The following DNAJC10 variants were observed in gnomAD, a reference collection of about 807,000 sequenced individuals.
DNAJC10 encodes DnaJ heat shock protein family (Hsp40) member C10.
A neutral mutation model predicts 115.0 loss-of-function variants in DNAJC10; 101 were observed. The observed-to-expected ratio is 0.88, with a 90% CI of 0.75 to 1.04. DNAJC10 has a LOEUF of 1.04. Ranked by LOEUF, DNAJC10 falls within the 50% of genes least tolerant of loss-of-function variation. DNAJC10 has a pLI of 0.00. For synonymous variants in DNAJC10, 307 were observed against 301.5 expected (o/e 1.02, Z -0.19); for missense variants, 981 against 928.8 (o/e 1.06, Z -0.73).
At chr2:182,730,571 T>G (rs1693418358) in intron 8 of DNAJC10, 1 of 452,438 alleles carries the variant, frequency 2.2e-6, no homozygotes, top group Non-Finnish European at 4.4e-6. Flanking sequence ...ACAACCCAGT[T>G]GGGGAAAAGA....
Position 182,762,665 on chromosome 2 carries a change from GT to G in DNAJC10, c.2146-16del. The G allele has an allele frequency of 1.2e-6, 2 of 1,610,528 alleles. No individual in the cohort carries two copies. Among genetic ancestry groups the G allele is most frequent in the Non-Finnish European group, 1.7e-6 (2 of 1,177,722 alleles). ...TATGCCAAACAGAAAATGGCAAACT[GT>G]ATTTTTCTTTTTCAGATGATTAAAG... is the stretch of plus-strand genomic sequence containing the variant. On this transcript the variant is annotated splice_polypyrimidine_tract_variant and intron_variant, in intron 21 of 23. Transcript: ENST00000264065.
Position 182,732,504 on chromosome 2 carries a change from T to C in DNAJC10, c.811T>C (p.Leu271=), listed in dbSNP as rs767806849. ...ITFCSKGGDC[L]TSQTRLRLSG... is the part of the protein sequence containing the mutation. ...TAAGGTTTTTTTGTCCCCAGATTGT[T>C]TGACTTCACAGACACGACTCAGGCT... Residue 271 remains leucine (L), a synonymous_variant, in exon 10 of 24, where the codon TTG becomes CTG. Coordinates refer to ENST00000264065, the MANE Select transcript of DNAJC10 (RefSeq NM_018981.4). The C allele has an allele frequency of 2.1e-5, 34 of 1,613,380 alleles. No individual in the cohort carries two copies. Among genetic ancestry groups the C allele is most frequent in the Non-Finnish European group, 2.5e-6 (3 of 1,179,566 alleles).
At chr2:182,729,715 C>T (rs1016107357) in intron 7 of DNAJC10, 133 bp from the exon 8 acceptor site, 1 of 503,164 alleles carries the variant, frequency 2.0e-6, no homozygotes, top group Non-Finnish European at 3.5e-6. Flanking sequence ...TTTGGAAATA[C>T]ATTCTGCTAT....
At chr2:182,755,844 A>G (rs1694143588) in intron 17 of DNAJC10, among the ~76,000 whole-genome samples, 1 of 152,160 alleles carries the variant, frequency 6.6e-6, no homozygotes, top group Non-Finnish European at 1.5e-5. Context: ...AAACTCTTTT[A>G]TTATCCATGC....
rs550572116 is a variant in DNAJC10 at position 182,743,668 on chromosome 2, C to T, written c.1262C>T (p.Ala421Val). 2.3e-5 allele frequency: 37 copies of T among 1,613,242 alleles called. 1 individual carries two copies. The South Asian group carries it at 3.7e-4, about 16-fold the overall frequency. ...CTGTATGTTTTTCAGCCGTCTCTAGCAGTATTTAAAGGACAAGGAACCAAA... is the reference window on the plus strand; with the variant it reads ...CTGTATGTTTTTCAGCCGTCTCTAGTAGTATTTAAAGGACAAGGAACCAAA... ...SNLYVFQPSLAVFKGQGTKEY... is the reference protein window; with the variant it reads ...SNLYVFQPSLVVFKGQGTKEY... The change falls in exon 14 of 24, where the codon GCA (alanine) becomes GTA (valine). Residue 421 changes from alanine to valine, a missense_variant. Coordinates refer to ENST00000264065, the MANE Select transcript of DNAJC10 (RefSeq NM_018981.4).
chr2:182,729,261 G>C (rs747965762), intron 7 of DNAJC10, among the ~76,000 whole-genome samples: 2 of 152,032 alleles, frequency 1.3e-5, no homozygotes, highest in Non-Finnish European at 2.9e-5. Context: ...CAGTTCTCCT[G>C]CCTCAGCCTC....
rs1694220538 is a variant in DNAJC10 at position 182,758,835 on chromosome 2, A to AT, written c.1944-2_1944-1insT. On this transcript the variant is annotated splice_acceptor_variant, in intron 19 of 23. Coordinates refer to ENST00000264065, the MANE Select transcript of DNAJC10 (RefSeq NM_018981.4). LOFTEE classifies it high-confidence loss of function. ...TACAACTAACATTTTTTCTTCTCTC[A>AT]GCAGTTACAATGGTTGGAATAGGGA... The AT allele has an allele frequency of 6.2e-7, 1 of 1,604,746 alleles. No homozygotes were observed. Among genetic ancestry groups the AT allele is most frequent in the Non-Finnish European group, 8.5e-7 (1 of 1,171,872 alleles).
At chr2:182,765,543 C>T (rs750704119) in intron 22 of DNAJC10, among the ~76,000 whole-genome samples, 5 of 152,104 alleles carry the variant, frequency 3.3e-5, no homozygotes, top group South Asian at 2.1e-4. Context: ...CTTAAGAAAC[C>T]GATTCCATGC....
chr2:182,771,655 T>C lies in DNAJC10; in HGVS notation c.2266-3661T>C, dbSNP rs187471731. Among the ~76,000 whole-genome samples the C allele has an allele frequency of 7.2e-3, 1,099 of 152,338 alleles. 5 individuals are homozygous for C. Among genetic ancestry groups the C allele is most frequent in the South Asian group, 0.032 (153 of 4,824 alleles). ...ATTCTCTGATGGTAGTTTGTATTTC[T>C]GTGGGATTGGTGGTGATATCCCCTT... On this transcript the variant is annotated intron_variant, in intron 22 of 23. Transcript: ENST00000264065.
chr2:182,772,502 T>C (rs913175094), intron 22 of DNAJC10, among the ~76,000 whole-genome samples: 1 of 152,226 alleles, frequency 6.6e-6, no homozygotes, highest in Non-Finnish European at 1.5e-5. Context: ...GGTGCTCCTG[T>C]ATTGGGTCCA....
chr2:182,759,206 G>T lies in DNAJC10; in HGVS notation c.2044G>T (p.Glu682Ter). ...AGATCTAACACCTCAGACTTTCAGT[G>T]AAAAAGTTCTACAAGGGAAAAATCA... Reference protein sequence around the residue: ...STDLTPQTFSEKVLQGKNHWV... With the variant: ...STDLTPQTFS The change falls in exon 21 of 24, where the codon GAA (glutamate) becomes TAA (stop). Residue 682 changes from glutamate (E) to a stop codon, truncating the protein, a stop_gained. Transcript: ENST00000264065. LOFTEE classifies it high-confidence loss of function. The T allele has an allele frequency of 7.5e-6, 12 of 1,607,970 alleles. No homozygotes were observed. The highest frequency in any genetic ancestry group is 1.0e-5 in the Non-Finnish European group (12 of 1,178,606).
intron 21 of DNAJC10, among the ~76,000 whole-genome samples, chr2:182,762,144 T>C (rs1325736464): frequency 1.6e-5 from 2 of 121,222 alleles, no homozygotes; most frequent in African/African-American, 3.5e-5. Flanking sequence ...AGTGAAACAG[T>C]AGACTGCTGC....
chr2:182,772,467 T>C (rs1451424385), intron 22 of DNAJC10, among the ~76,000 whole-genome samples: 1 of 152,168 alleles, frequency 6.6e-6, no homozygotes, highest in Non-Finnish European at 1.5e-5. Flanking sequence ...TTTGTAGGTT[T>C]CTAAGGACTT....
At chr2:182,741,107 G>A (rs941651949) in intron 12 of DNAJC10, 136 bp from the exon 13 acceptor site, 5 of 607,810 alleles carry the variant, frequency 8.2e-6, no homozygotes, top group Non-Finnish European at 8.6e-6. Context: ...ATAAGAGAAT[G>A]AGTGGGTCCG....
At chr2:182,775,449 G>T in intron 23 of DNAJC10, 29 bp downstream of exon 23, 1 of 1,418,778 alleles carries the variant, frequency 7.0e-7, no homozygotes, top group Non-Finnish European at 9.9e-7. Context: ...GTTGACTTTG[G>T]CAAAAGTTGG....
intron 16 of DNAJC10, among the ~76,000 whole-genome samples, chr2:182,753,830 C>T (rs928750804): frequency 2.6e-5 from 4 of 152,096 alleles, no homozygotes; most frequent in African/African-American, 7.2e-5. Flanking sequence ...GATCCTCCCA[C>T]CTCGGCCTCC....
At chr2:182,748,584 T>G (rs1269568191) in intron 14 of DNAJC10, among the ~76,000 whole-genome samples, 10 of 152,210 alleles carry the variant, frequency 6.6e-5, no homozygotes, top group Non-Finnish European at 1.3e-4. Context: ...ATATCCCCTT[T>G]ATCATTTTTT....
At chr2:182,742,255 A>G (rs1574934154) in intron 13 of DNAJC10, among the ~76,000 whole-genome samples, 2 of 152,078 alleles carry the variant, frequency 1.3e-5, no homozygotes, top group South Asian at 4.2e-4. Context: ...CGTGCTCTTG[A>G]CTCACTGCAA....
intron 6 of DNAJC10, 42 bp downstream of exon 6, chr2:182,728,700 T>C (rs749033212): frequency 1.2e-5 from 18 of 1,548,428 alleles, no homozygotes; most frequent in Non-Finnish European, 1.5e-5. Context: ...TTATTTCTAA[T>C]TGATCTGCAA....
Sources: gnomAD v4.1 joint callset for allele counts (sites outside exome capture counted in the v4.1 genomes callset) on GRCh38, gnomAD v4.1.1 for gene constraint, MANE v1.5 for transcripts, NCBI Gene and HGNC (gene_info 2026-07-23, HGNC 2026-07-21) for gene names.